AFG2A: variants seen among roughly 807,000 people sequenced by gnomAD.
AFG2A encodes AAA ATPase AFG2A.
At chr4:123,285,563 G>T in the AFG2A span, among the ~76,000 whole-genome samples, 556 of 152,222 alleles carry the variant, frequency 3.7e-3, 6 homozygotes, top group African/African-American at 0.013. Flanking sequence ...TAGTGTGGGA[G>T]TGTGCACTCC....
At chr4:123,019,175 T>G in the AFG2A span, among the ~76,000 whole-genome samples, 4 of 152,158 alleles carry the variant, frequency 2.6e-5, no homozygotes, top group Non-Finnish European at 5.9e-5. Context: ...TCCTGAGACC[T>G]TAGGGTTTAT....
the AFG2A span, among the ~76,000 whole-genome samples, chr4:123,286,804 G>T: frequency 1.3e-5 from 2 of 151,712 alleles, no homozygotes; most frequent in East Asian, 3.9e-4. Context: ...GTGCTATTCC[G>T]ATCTGAACTT....
the AFG2A span, among the ~76,000 whole-genome samples, chr4:123,038,507 AC>A: frequency 6.6e-6 from 1 of 152,072 alleles, no homozygotes; most frequent in Non-Finnish European, 1.5e-5. Flanking sequence ...GTACCAAAAT[AC>A]AGTGATTTTT....
chr4:122,941,240 C>T, the AFG2A span, among the ~76,000 whole-genome samples: 2 of 151,634 alleles, frequency 1.3e-5, no homozygotes, highest in Non-Finnish European at 2.9e-5. Context: ...GCCATTTTCA[C>T]GATATTGATT....
the AFG2A span, among the ~76,000 whole-genome samples, chr4:123,156,307 A>T: frequency 6.6e-6 from 1 of 152,212 alleles, no homozygotes; most frequent in Non-Finnish European, 1.5e-5. Flanking sequence ...GGGGTAGAAT[A>T]CTGAAACAAA....
chr4:122,945,464 T>C, the AFG2A span, among the ~76,000 whole-genome samples: 11 of 152,158 alleles, frequency 7.2e-5, no homozygotes, highest in Non-Finnish European at 1.6e-4. Flanking sequence ...CGGGATATAA[T>C]CTCCTGGTGC....
At chr4:123,307,183 G>GT in the AFG2A span, among the ~76,000 whole-genome samples, 1 of 152,076 alleles carries the variant, frequency 6.6e-6, no homozygotes, top group Admixed American at 6.5e-5. Context: ...TTTGCTTTTT[G>GT]TTTTTTAGAG....
the AFG2A span, among the ~76,000 whole-genome samples, chr4:123,059,867 T>C: frequency 3.6e-4 from 55 of 152,218 alleles, no homozygotes; most frequent in Admixed American, 9.8e-4. Context: ...GAGATGGTAT[T>C]TCATTGTGGT....
the AFG2A span, among the ~76,000 whole-genome samples, chr4:123,032,577 G>A: frequency 6.6e-5 from 10 of 152,068 alleles, no homozygotes; most frequent in African/African-American, 1.9e-4. Flanking sequence ...GACTATGCCC[G>A]ACTAATTTTT....
the AFG2A span, chr4:122,979,514 T>G: frequency 9.5e-7 from 1 of 1,050,868 alleles, no homozygotes. Context: ...AAAGTTTTAT[T>G]GAGATAGCTG....
At chr4:122,946,404 A>G in the AFG2A span, among the ~76,000 whole-genome samples, 1 of 152,208 alleles carries the variant, frequency 6.6e-6, no homozygotes, top group Non-Finnish European at 1.5e-5. Context: ...TTTAGTCTGA[A>G]TATTTTTAAG....
the AFG2A span, among the ~76,000 whole-genome samples, chr4:123,283,026 T>G: frequency 6.6e-6 from 1 of 152,118 alleles, no homozygotes; most frequent in African/African-American, 2.4e-5. Flanking sequence ...ACTTTTATGT[T>G]TTGTCCCTGG....
the AFG2A span, among the ~76,000 whole-genome samples, chr4:122,946,897 A>T: frequency 6.6e-6 from 1 of 152,106 alleles, no homozygotes; most frequent in Non-Finnish European, 1.5e-5. Flanking sequence ...TATATGGTAC[A>T]TATTATATAT....
At chr4:123,014,432 A>C in the AFG2A span, among the ~76,000 whole-genome samples, 1 of 152,080 alleles carries the variant, frequency 6.6e-6, no homozygotes, top group Non-Finnish European at 1.5e-5. Context: ...TGACAAAAGT[A>C]GGTAGTTTTT....
chr4:123,016,566 CG>C, the AFG2A span, among the ~76,000 whole-genome samples: 1 of 151,180 alleles, frequency 6.6e-6, no homozygotes, highest in Non-Finnish European at 1.5e-5. Context: ...GATGGGATGG[CG>C]GCCGGGTAGA....
chr4:123,022,184 A>G, the AFG2A span, among the ~76,000 whole-genome samples: 1 of 152,008 alleles, frequency 6.6e-6, no homozygotes, highest in Non-Finnish European at 1.5e-5. Flanking sequence ...AAAATTGACA[A>G]ATGGGATCTA....
the AFG2A span, among the ~76,000 whole-genome samples, chr4:123,042,519 T>A: frequency 1.3e-5 from 2 of 152,180 alleles, no homozygotes; most frequent in African/African-American, 4.8e-5. Flanking sequence ...AGCAGCACCA[T>A]ACAAAAACAG....
At chr4:123,233,565 G>A in the AFG2A span, among the ~76,000 whole-genome samples, 2 of 151,942 alleles carry the variant, frequency 1.3e-5, no homozygotes, top group African/African-American at 4.8e-5. Flanking sequence ...TAAGTATTTA[G>A]GTTGGAAATC....
At chr4:123,161,772 A>G in the AFG2A span, among the ~76,000 whole-genome samples, 1 of 152,236 alleles carries the variant, frequency 6.6e-6, no homozygotes, top group Non-Finnish European at 1.5e-5. Flanking sequence ...CCAGGGGTGC[A>G]GGGTTCTTCA....
Sources: allele counts gnomAD v4.1 joint callset (sites outside exome capture counted in the v4.1 genomes callset), GRCh38; gene constraint gnomAD v4.1.1; transcripts MANE v1.5; gene names NCBI Gene and HGNC (gene_info 2026-07-23, HGNC 2026-07-21).